PRKG1: variants seen among roughly 807,000 people sequenced by gnomAD.
The protein encoded by PRKG1 is cGMP-dependent protein kinase 1.
A neutral mutation model predicts 88.1 loss-of-function variants in PRKG1; 35 were observed. That is an observed-to-expected ratio of 0.40 (90% CI 0.30 to 0.53). The LOEUF (loss-of-function observed/expected upper bound fraction) is 0.53. Ranked by LOEUF, PRKG1 falls within the 20% of genes least tolerant of loss-of-function variation. The pLI is 0.59. For synonymous variants in PRKG1, 303 were observed against 292.5 expected, an observed-to-expected ratio of 1.04 and a Z score of -0.37; for missense variants, 540 against 839.8, an observed-to-expected ratio of 0.64 and a Z score of 4.41.
intron 3 of PRKG1, among the ~76,000 whole-genome samples, chr10:51,712,729 A>G (rs1416478747): frequency 1.3e-5 from 2 of 151,722 alleles, no homozygotes; most frequent in African/African-American, 4.8e-5. Context: ...AGCTGGGACT[A>G]TAGGCGCCCG....
chr10:51,161,426 T>G (rs1490530385), intron 2 of PRKG1, among the ~76,000 whole-genome samples: 8 of 152,204 alleles, frequency 5.3e-5, no homozygotes, highest in Non-Finnish European at 1.0e-4. Flanking sequence ...TTTAAAAATA[T>G]AGCCTTATCT....
At chr10:51,300,180 G>A (rs944895475) in intron 2 of PRKG1, among the ~76,000 whole-genome samples, 20 of 152,122 alleles carry the variant, frequency 1.3e-4, no homozygotes, top group African/African-American at 3.4e-4. Flanking sequence ...CATGGCTTAC[G>A]ACAAGTTATT....
chr10:51,244,806 T>A (rs573698862), intron 2 of PRKG1: 4 of 152,118 alleles, frequency 2.6e-5, no homozygotes, highest in Admixed American at 1.3e-4. Flanking sequence ...TGGAAAAAAA[T>A]GTCTGTGAGC....
chr10:51,851,487 G>C (rs559274552), intron 4 of PRKG1, among the ~76,000 whole-genome samples: 122 of 152,126 alleles, frequency 8.0e-4, no homozygotes, highest in Non-Finnish European at 1.5e-3. Context: ...ACTGACAAAC[G>C]CTTCCCTATG....
chr10:51,854,455 G>A (rs1043095661), intron 4 of PRKG1, among the ~76,000 whole-genome samples: 1 of 152,060 alleles, frequency 6.6e-6, no homozygotes, highest in Non-Finnish European at 1.5e-5. Flanking sequence ...TACTGAGTTA[G>A]CAATAAATTG....
At chr10:51,045,596 T>C (rs1282285253) in intron 1 of PRKG1, among the ~76,000 whole-genome samples, 1 of 152,176 alleles carries the variant, frequency 6.6e-6, no homozygotes. Context: ...TTTAAAGTTG[T>C]AAATCTTACC....
At chr10:51,744,942 T>G (rs180971135) in intron 3 of PRKG1, among the ~76,000 whole-genome samples, 9 of 152,322 alleles carry the variant, frequency 5.9e-5, no homozygotes, top group African/African-American at 1.9e-4. Context: ...TGAAATTTTA[T>G]TTTTTCAACG....
intron 5 of PRKG1, among the ~76,000 whole-genome samples, chr10:51,989,060 A>G (rs1414635598): frequency 6.6e-6 from 1 of 152,090 alleles, no homozygotes; most frequent in East Asian, 1.9e-4. Flanking sequence ...ATCCACATAC[A>G]GCTAGAGTAG....
At chr10:51,729,706 CAAAAAAAAAAAAAAA>C (rs34900286) in intron 3 of PRKG1, among the ~76,000 whole-genome samples, 8 of 28,782 alleles carry the variant, frequency 2.8e-4, no homozygotes, top group East Asian at 2.7e-3. Context: ...GACTCCATCT[CAAAAAAAAAAAAAAA>C]AAAAAAAAAA....
chr10:51,005,144 T>C (rs1469538281), intron 1 of PRKG1, among the ~76,000 whole-genome samples: 2 of 152,182 alleles, frequency 1.3e-5, no homozygotes, highest in African/African-American at 4.8e-5. Context: ...AATTCAATCA[T>C]ATTAAGGGTA....
At chr10:51,215,912 T>C (rs530590961) in intron 2 of PRKG1, among the ~76,000 whole-genome samples, 3 of 152,310 alleles carry the variant, frequency 2.0e-5, no homozygotes, top group Admixed American at 2.0e-4. Context: ...TTTAGAAGTG[T>C]TCATGGAAGG....
intron 3 of PRKG1, among the ~76,000 whole-genome samples, chr10:51,566,898 T>C (rs1380470250): frequency 2.0e-5 from 3 of 151,440 alleles, no homozygotes; most frequent in Non-Finnish European, 4.4e-5. Flanking sequence ...ATCTTAAATG[T>C]TGTCAATATA....
At chr10:51,038,127 A>G (rs10995458) in intron 1 of PRKG1, among the ~76,000 whole-genome samples, 38,259 of 149,682 alleles carry the variant, frequency 0.26, 4,980 homozygotes, top group Admixed American at 0.28. Context: ...AGGCCTTAAC[A>G]AAAATGTGTT....
intron 3 of PRKG1, among the ~76,000 whole-genome samples, chr10:51,783,928 C>A (rs898532803): frequency 6.6e-6 from 1 of 152,134 alleles, no homozygotes; most frequent in Admixed American, 6.6e-5. Context: ...AAAATAGGAA[C>A]GTAGCAGCTT....
chr10:50,995,385 G>C (rs1842827544), intron 1 of PRKG1, among the ~76,000 whole-genome samples: 1 of 152,148 alleles, frequency 6.6e-6, no homozygotes, highest in Admixed American at 6.5e-5. Flanking sequence ...TAAGTATCAA[G>C]TGTACAATAC....
intron 5 of PRKG1, among the ~76,000 whole-genome samples, chr10:51,960,715 A>G (rs191228291): frequency 1.1e-4 from 16 of 152,304 alleles, no homozygotes; most frequent in Admixed American, 7.2e-4. Context: ...CTGTGATCCA[A>G]CTGAAATGGG....
intron 3 of PRKG1, among the ~76,000 whole-genome samples, chr10:51,645,498 A>G (rs1839895706): frequency 6.6e-6 from 1 of 152,190 alleles, no homozygotes; most frequent in Non-Finnish European, 1.5e-5. Context: ...CTTAATAATT[A>G]TGTGAATATA....
At chr10:51,888,989 A>G (rs528002244) in intron 4 of PRKG1, among the ~76,000 whole-genome samples, 2 of 151,992 alleles carry the variant, frequency 1.3e-5, no homozygotes, top group Non-Finnish European at 2.9e-5. Flanking sequence ...CTTTCTTTAT[A>G]TGCTAATGCT....
chr10:51,505,337 G>A (rs896004831), intron 3 of PRKG1, among the ~76,000 whole-genome samples: 1 of 152,160 alleles, frequency 6.6e-6, no homozygotes, highest in Non-Finnish European at 1.5e-5. Flanking sequence ...GATCATGGTG[G>A]ATAAGCTTTT....
Sources: gnomAD v4.1 joint callset for allele counts (sites outside exome capture counted in the v4.1 genomes callset) on GRCh38, gnomAD v4.1.1 for gene constraint, MANE v1.5 for transcripts, NCBI Gene and HGNC (gene_info 2026-07-23, HGNC 2026-07-21) for gene names.